The following CHMP1A variants were observed in gnomAD, a reference collection of about 807,000 sequenced individuals.
CHMP1A encodes charged multivesicular body protein 1A.
CHMP1A carries 17 observed loss-of-function variants against 27.0 expected under a neutral mutation model. The ratio of observed to expected loss-of-function variants is 0.63; its 90% CI spans 0.43 to 0.95. CHMP1A has a LOEUF of 0.95. CHMP1A is among the 40% of genes least tolerant of loss of function. CHMP1A has a pLI of 0.00. For synonymous variants in CHMP1A, 131 were observed against 107.5 expected (o/e 1.22, Z -1.35); for missense variants, 275 against 264.0 (o/e 1.04, Z -0.29).
chr16:89,648,851 C>T (rs1232134786), intron 4 of CHMP1A, among the ~76,000 whole-genome samples: 1 of 109,664 alleles, frequency 9.1e-6, no homozygotes, highest in Non-Finnish European at 1.9e-5. Flanking sequence ...CATAGACACC[C>T]TGTCTCTACT....
At chr16:89,654,044 C>G in intron 1 of CHMP1A, 121 bp from the exon 2 acceptor site, 1 of 1,075,890 alleles carries the variant, frequency 9.3e-7, no homozygotes, top group Non-Finnish European at 1.4e-6. Flanking sequence ...ACAGACCACA[C>G]CTGCCTGGGG....
At chr16:89,651,489 AACAGG>A in intron 3 of CHMP1A, 75 bp downstream of exon 3, 1 of 1,389,046 alleles carries the variant, frequency 7.2e-7, no homozygotes, top group Non-Finnish European at 1.0e-6. Flanking sequence ...ATCAAAACAA[AACAGG>A]ACACAAAAAT....
intron 4 of CHMP1A, among the ~76,000 whole-genome samples, chr16:89,648,821 G>T (rs113492671): frequency 3.4e-5 from 3 of 89,514 alleles, no homozygotes; most frequent in South Asian, 4.7e-4. Flanking sequence ...AGCCCAGGAG[G>T]TTGAGACCAG....
chr16:89,657,511 G>C, intron 1 of CHMP1A, 71 bp downstream of exon 1: 1 of 1,584,108 alleles, frequency 6.3e-7, no homozygotes, highest in Admixed American at 1.8e-5. Context: ...CAGGTGGGCG[G>C]AGCCCACGCC....
chr16:89,655,363 T>TCTCAGCTTCCCCTCAC (rs2059856227), intron 1 of CHMP1A, among the ~76,000 whole-genome samples: 1 of 120,260 alleles, frequency 8.3e-6, no homozygotes, highest in Non-Finnish European at 1.7e-5. Context: ...GCCCTCCTCA[T>TCTCAGCTTCCCCTCAC]CTCAGCTTTC....
chr16:89,650,032 C>T lies in CHMP1A; in HGVS notation c.106-535G>A, dbSNP rs61627041. Among the ~76,000 whole-genome samples, 611 of 152,286 alleles carry T rather than the reference C, an allele frequency of 4.0e-3. 6 individuals carry two copies. Among genetic ancestry groups the T allele is most frequent in the African/African-American group, 0.014 (597 of 41,558 alleles). The stretch of plus-strand genomic sequence containing the variant: ...ACTGGGCACGGGACACAGCGGGTGA[C>T]ACTCAGAGCCTGTGGCAGGCAGTTC... On this transcript the variant is annotated intron_variant, in intron 3 of 6. Transcript: ENST00000397901.
chr16:89,650,477 C>CT (rs1344945643), intron 3 of CHMP1A, among the ~76,000 whole-genome samples: 2 of 152,284 alleles, frequency 1.3e-5, no homozygotes, highest in African/African-American at 4.8e-5. Context: ...CCCTGATGCC[C>CT]TAGACACCAG....
chr16:89,656,452 T>C (rs1246675646), intron 1 of CHMP1A, among the ~76,000 whole-genome samples: 1 of 152,216 alleles, frequency 6.6e-6, no homozygotes, highest in Admixed American at 6.5e-5. Context: ...AAAAGTATTT[T>C]TAAAAGCCTG....
At chr16:89,655,461 A>G (rs2059857895) in intron 1 of CHMP1A, among the ~76,000 whole-genome samples, 1 of 147,784 alleles carries the variant, frequency 6.8e-6, no homozygotes, top group Non-Finnish European at 1.5e-5. Flanking sequence ...TCCTCACCTC[A>G]GCTTTCCCTC....
intron 2 of CHMP1A, among the ~76,000 whole-genome samples, chr16:89,653,020 C>CTTTTCTTTTTTTTTTT (rs1266826642): frequency 2.4e-5 from 2 of 82,192 alleles, no homozygotes; most frequent in East Asian, 8.0e-4. Context: ...TTTTTCTTTT[C>CTTTTCTTTTTTTTTTT]TTTTTTTTTT....
chr16:89,653,177 C>T (rs1448571635), intron 2 of CHMP1A, among the ~76,000 whole-genome samples: 1 of 150,918 alleles, frequency 6.6e-6, no homozygotes, highest in Admixed American at 6.6e-5. Flanking sequence ...GCCACCGCGC[C>T]CGGCTAATTT....
At chr16:89,653,000 G>A (rs1597790742) in intron 2 of CHMP1A, among the ~76,000 whole-genome samples, 1 of 143,050 alleles carries the variant, frequency 7.0e-6, no homozygotes, top group Non-Finnish European at 1.5e-5. Flanking sequence ...TGCCCAAGTT[G>A]TCTTTTTTTT....
rs1252495073 is a variant in CHMP1A at position 89,654,057 on chromosome 16, T to G, written c.8-134A>C. ...ACACAGACCACACCTGCCTGGGGCCTTCGGGGAGCCCCCCCCAACAGGGGA... is the reference window on the plus strand; with the variant it reads ...ACACAGACCACACCTGCCTGGGGCCGTCGGGGAGCCCCCCCCAACAGGGGA... On this transcript the variant is annotated intron_variant, in intron 1 of 6. Coordinates refer to ENST00000397901, the MANE Select transcript of CHMP1A (RefSeq NM_002768.5). 5.3e-6 allele frequency: 5 copies of G among 937,832 alleles called. No homozygotes were observed. In the East Asian group the frequency reaches 1.2e-4, roughly 23 times the overall value. The allele number at this position is 937,832 out of a possible 1,614,324, so 58.1% of individuals were successfully genotyped here. A position where few individuals can be genotyped will look rare whatever the true frequency, so the allele number is the denominator to read the frequency against.
chr16:89,657,004 C>A (rs1597795288), intron 1 of CHMP1A, among the ~76,000 whole-genome samples: 1 of 128,772 alleles, frequency 7.8e-6, no homozygotes, highest in African/African-American at 3.0e-5. Flanking sequence ...GAAGGCATAC[C>A]GGGTTGAGAT....
intron 4 of CHMP1A, 74 bp from the exon 5 acceptor site, chr16:89,647,405 T>C: frequency 1.4e-6 from 2 of 1,452,540 alleles, no homozygotes; most frequent in Non-Finnish European, 1.9e-6. Context: ...ACGGGTCCCC[T>C]GGACTCTGAC....
rs767659184 is a variant in CHMP1A at position 89,649,406 on chromosome 16, G to A, written c.197C>T (p.Ala66Val). 49 of 1,613,534 alleles carry A rather than the reference G, an allele frequency of 3.0e-5. No individual in the cohort carries two copies. Among genetic ancestry groups the A allele is most frequent in the Middle Eastern group, 1.6e-4 (1 of 6,084 alleles). ...KNEGVNWLRM[A>V]SRVDAVASKV... ...GGAGGCCACTGCGTCTACGCGGGACGCCATCCGAAGCCAGTTCACACCTTC... is the reference window on the plus strand; with the variant it reads ...GGAGGCCACTGCGTCTACGCGGGACACCATCCGAAGCCAGTTCACACCTTC... The change falls in exon 4 of 7, where the codon GCG becomes GTG. Residue 66 changes from alanine (A) to valine (V), a missense_variant. Transcript: ENST00000397901.
Position 89,644,712 on chromosome 16 carries a change from C to T in CHMP1A, c.*1354G>A, listed in dbSNP as rs6860. 48,599 of 152,246 alleles carry T rather than the reference C, an allele frequency of 0.32. 10,112 individuals carry two copies. Among genetic ancestry groups the T allele is most frequent in the Middle Eastern group, 0.61 (181 of 296 alleles). The allele number at this position is 152,246 out of a possible 1,614,324, so 9.4% of individuals were successfully genotyped here. On this transcript the variant is annotated 3_prime_UTR_variant, in exon 7 of 7. Transcript: ENST00000397901. ...CCCAAGTTCTGAAAAGAAAACCAAA[C>T]GCAGTGAGCCCACGTCAGGGTCTCC... is the stretch of plus-strand genomic sequence containing the variant.
At chr16:89,649,989 G>A (rs1248895680) in intron 3 of CHMP1A, among the ~76,000 whole-genome samples, 6 of 151,658 alleles carry the variant, frequency 4.0e-5, no homozygotes, top group South Asian at 2.1e-4. Context: ...GCTTCCCCCC[G>A]CACCCCTCCA....
intron 4 of CHMP1A, among the ~76,000 whole-genome samples, chr16:89,648,995 A>G (rs2059802930): frequency 6.6e-6 from 1 of 151,956 alleles, no homozygotes; most frequent in African/African-American, 2.4e-5. Context: ...ACTGCACTCC[A>G]GCCTGGGTGA....
Sources: allele counts gnomAD v4.1 joint callset (sites outside exome capture counted in the v4.1 genomes callset), GRCh38; gene constraint gnomAD v4.1.1; transcripts MANE v1.5; gene names NCBI Gene and HGNC (gene_info 2026-07-23, HGNC 2026-07-21).